SYN1: variants seen among roughly 807,000 people sequenced by gnomAD.
SYN1 encodes the protein synapsin I, also known as synapsin-1.
SYN1 carries 8 observed loss-of-function variants against 44.6 expected under a neutral mutation model. The ratio of observed to expected loss-of-function variants is 0.18; its 90% confidence interval spans 0.11 to 0.32. SYN1 has a LOEUF of 0.32. SYN1 is among the 10% of genes least tolerant of loss of function. SYN1 has a pLI of 1.00. For synonymous variants in SYN1, 275 were observed against 280.1 expected (o/e 0.98, Z 0.18); for missense variants, 451 against 639.4 (o/e 0.71, Z 3.18).
At chrX:47,584,198 G>T (rs1238159886) in intron 5 of SYN1, among the ~76,000 whole-genome samples, 1 of 111,291 alleles carries the variant, frequency 9.0e-6, no homozygotes, top group Non-Finnish European at 1.9e-5. Context: ...AGATAGCAAG[G>T]ATGATCAGGT....
intron 1 of SYN1, among the ~76,000 whole-genome samples, chrX:47,614,283 C>T (rs772011538): frequency 9.0e-6 from 1 of 111,134 alleles, no homozygotes; most frequent in African/African-American, 3.3e-5. Context: ...CCTTGCTCAA[C>T]TTTGATAGTA....
At chrX:47,599,413 A>ACATCAGAATCATCTGAAT (rs369755472) in intron 5 of SYN1, among the ~76,000 whole-genome samples, 1 of 112,943 alleles carries the variant, frequency 8.9e-6, no homozygotes, top group African/African-American at 3.2e-5. Flanking sequence ...AGCTGAACTA[A>ACATCAGAATCATCTGAAT]CATCAGAATC....
At chrX:47,594,970 G>A (rs775983197) in intron 5 of SYN1, among the ~76,000 whole-genome samples, 7 of 110,847 alleles carry the variant, frequency 6.3e-5, no homozygotes, top group Non-Finnish European at 1.1e-4. Context: ...CAGGTGATCC[G>A]CCTGCCTCAG....
chrX:47,573,958 C>T, intron 12 of SYN1, 44 bp downstream of exon 12: 1 of 1,087,890 alleles, frequency 9.2e-7, no homozygotes, highest in Non-Finnish European at 1.2e-6. Context: ...CAGCGGCCCG[C>T]TTTGTGAGCA....
chrX:47,587,485 C>T (rs2057831394), intron 5 of SYN1: 1 of 112,967 alleles, frequency 8.9e-6, no homozygotes, highest in Non-Finnish European at 1.9e-5. Flanking sequence ...CTCTGCCATC[C>T]TCCCTCCCCT....
At chrX:47,583,449 C>T in intron 5 of SYN1, 1 of 1,208,078 alleles carries the variant, frequency 8.3e-7, no homozygotes, top group Non-Finnish European at 1.1e-6. Context: ...TTCTGGCATC[C>T]TGTTGTTGCT....
chrX:47,575,907 A>G (rs1220451121), intron 9 of SYN1, among the ~76,000 whole-genome samples: 1 of 112,181 alleles, frequency 8.9e-6, no homozygotes, highest in Non-Finnish European at 1.9e-5. Flanking sequence ...AGAGCACTAA[A>G]CAATCTAATA....
chrX:47,583,664 C>G, intron 5 of SYN1: 1 of 773,064 alleles, frequency 1.3e-6, no homozygotes, highest in Non-Finnish European at 1.8e-6. Flanking sequence ...TTTAGCCACA[C>G]TGGCATCCTC....
intron 1 of SYN1, among the ~76,000 whole-genome samples, chrX:47,618,374 T>C (rs1183492283): frequency 8.9e-6 from 1 of 111,858 alleles, no homozygotes; most frequent in East Asian, 2.8e-4. Flanking sequence ...CTGCAGGCAG[T>C]TGATAAATGC....
At position 47,605,229 on chromosome X, in the gene SYN1, G is replaced by A. The variant is rs1331758208; in HGVS notation, c.678C>T (p.Pro226=). The change falls in exon 4 of 13, where the codon CCC becomes CCT. Residue 226 remains proline (P), a synonymous_variant. Coordinates refer to ENST00000295987, the MANE Select transcript of SYN1 (RefSeq NM_006950.3). ...LHSVYNFCDK[P]WVFAQMVRLH... ...CACCCTTCCTGTTACTTACCACCCA[G>A]GGCTTGTCACAGAAGTTGTAGACAG... 7 of 1,207,114 alleles carry A rather than the reference G, an allele frequency of 5.8e-6. No individual in the cohort carries two copies. In the African/African-American group the frequency reaches 1.1e-4, roughly 18 times the overall value.
chrX:47,598,749 C>T (rs2057871114), intron 5 of SYN1, among the ~76,000 whole-genome samples: 2 of 111,781 alleles, frequency 1.8e-5, no homozygotes, highest in Admixed American at 1.9e-4. Flanking sequence ...ATTGCTTGAA[C>T]CCAGGAGGTG....
rs111983910 is a variant in SYN1 at position 47,595,643 on chromosome X, A to C, written c.774+9335T>G. 7.8e-3 allele frequency among the ~76,000 whole-genome samples: 871 copies of C among 112,215 alleles called. 6 individuals carry two copies. Among genetic ancestry groups the C allele is most frequent in the African/African-American group, 0.027 (832 of 30,934 alleles). ...CAATTTTATATATACACATATATGA[A>C]ATTATATATATATACATAAAGAAAT... On this transcript the variant is annotated intron_variant, in intron 5 of 12. Coordinates refer to ENST00000295987, the MANE Select transcript of SYN1 (RefSeq NM_006950.3).
rs1251006081 is a variant in SYN1 at position 47,576,178 on chromosome X, C to T, written c.1111G>A (p.Ala371Thr). The change falls in exon 9 of 13, where the codon GCA (alanine) becomes ACA (threonine). Residue 371 changes from alanine to threonine, a missense_variant. This residue lies in a region of SYN1 where 315 missense variants were observed against 451.4 expected (regional missense o/e 0.70). Coordinates refer to ENST00000295987, the MANE Select transcript of SYN1 (RefSeq NM_006950.3). ...TCCTTGCCATGTAGCGCTTCCACTG[C>T]GCAGATGTCCAGTCCCCCAAAAATC... ...SEIFGGLDIC[A>T]VEALHGKDGR... 4 of 1,204,393 alleles carry T rather than the reference C, an allele frequency of 3.3e-6. No homozygotes were observed. Among genetic ancestry groups the T allele is most frequent in the Non-Finnish European group, 4.5e-6 (4 of 891,695 alleles).
In SYN1 at chrX:47,572,604, G is replaced by A. The variant is rs903831957; in HGVS notation, c.*260C>T. 5 of 350,477 alleles carry A rather than the reference G, an allele frequency of 1.4e-5. No individual in the cohort carries two copies. Among genetic ancestry groups the A allele is most frequent in the African/African-American group, 2.6e-5 (1 of 38,239 alleles). The allele number at this position is 350,477 out of a possible 1,213,427, so 28.9% of individuals were successfully genotyped here. ...GGCGGAGGTCTTCAGGAATGTGGAG[G>A]TTCTAAAACAGAAGTAGATCCTGAA... On this transcript the variant is annotated 3_prime_UTR_variant, in exon 13 of 13. Coordinates refer to ENST00000295987, the MANE Select transcript of SYN1 (RefSeq NM_006950.3).
intron 1 of SYN1, among the ~76,000 whole-genome samples, chrX:47,607,691 C>T (rs749311054): frequency 2.0e-5 from 1 of 50,783 alleles, no homozygotes; most frequent in South Asian, 1.4e-3. Flanking sequence ...CCACCCTGGA[C>T]AATATAGAGA....
chrX:47,586,142 CCT>C (rs2147919568), intron 5 of SYN1: 1 of 940,252 alleles, frequency 1.1e-6, no homozygotes, highest in East Asian at 6.2e-5. Context: ...CTCCTGATGG[CCT>C]CTGAGCCCAG....
rs1220779637 is a variant in SYN1, at chrX:47,576,177, G to A, written c.1112C>T (p.Ala371Val). 1 of 1,204,693 alleles carries A rather than the reference G, an allele frequency of 8.3e-7. No homozygotes were observed. ...SEIFGGLDIC[A>V]VEALHGKDGR... ...GTCCTTGCCATGTAGCGCTTCCACT[G>A]CGCAGATGTCCAGTCCCCCAAAAAT... The change falls in exon 9 of 13, where the codon GCA becomes GTA. Residue 371 changes from alanine to valine, a missense_variant. By Grantham distance (64) the Ala-to-Val change is moderately conservative. This residue lies in a region of SYN1 where 315 missense variants were observed against 451.4 expected (regional missense o/e 0.70). Coordinates refer to ENST00000295987, the MANE Select transcript of SYN1 (RefSeq NM_006950.3).
At chrX:47,585,236 C>A (rs1336825386) in intron 5 of SYN1, 21 of 1,197,960 alleles carry the variant, frequency 1.8e-5, no homozygotes, top group Non-Finnish European at 2.3e-5. Context: ...TTAGGGGATG[C>A]CGCTGACATC....
chrX:47,572,838 G>A lies in SYN1; in HGVS notation c.*26C>T. ...AGGGCCCAGAGAAGGGTTGCCCAGGGATTTTGGGGTTCTCAGAGTGGGGTA... is the reference window on the plus strand; with the variant it reads ...AGGGCCCAGAGAAGGGTTGCCCAGGAATTTTGGGGTTCTCAGAGTGGGGTA... On this transcript the variant is annotated 3_prime_UTR_variant, in exon 13 of 13. Coordinates refer to ENST00000295987, the MANE Select transcript of SYN1 (RefSeq NM_006950.3). 1 of 1,211,119 alleles carries A rather than the reference G, an allele frequency of 8.3e-7. No individual in the cohort carries two copies. Among genetic ancestry groups the A allele is most frequent in the Non-Finnish European group, 1.1e-6 (1 of 895,125 alleles).
Sources: gnomAD v4.1 joint callset for allele counts (sites outside exome capture counted in the v4.1 genomes callset) on GRCh38, gnomAD v4.1.1 for gene constraint, gnomAD v4.1.1 regional missense constraint, MANE v1.5 for transcripts, NCBI Gene and HGNC (gene_info 2026-07-23, HGNC 2026-07-21) for gene names.